Variants in FHOD3 observed in about 807,000 individuals in gnomAD.
FHOD3 encodes formin homology 2 domain containing 3.
FHOD3 carries 90 observed loss-of-function variants against 173.0 expected under a neutral mutation model. The ratio of observed to expected loss-of-function variants is 0.52; its 90% CI spans 0.44 to 0.62. The LOEUF is 0.62. FHOD3 is among the 20% of genes least tolerant of loss of function. FHOD3 has a pLI of 0.00. For synonymous variants in FHOD3, 828 were observed against 823.0 expected, an observed-to-expected ratio of 1.01 and a Z score of -0.10; for missense variants, 1,945 against 2,034.7, an observed-to-expected ratio of 0.96 and a Z score of 0.85.
At chr18:36,582,637 G>A (rs990140674) in intron 6 of FHOD3, among the ~76,000 whole-genome samples, 1 of 152,214 alleles carries the variant, frequency 6.6e-6, no homozygotes, top group Non-Finnish European at 1.5e-5. Flanking sequence ...CCCTGTCCAA[G>A]CTAAACTTGA....
chr18:36,326,680 G>A (rs1322540430), intron 1 of FHOD3, among the ~76,000 whole-genome samples: 7 of 152,218 alleles, frequency 4.6e-5, no homozygotes, highest in Non-Finnish European at 8.8e-5. Flanking sequence ...GCGCCTAGGA[G>A]TTTGAGGCTA....
chr18:36,464,710 G>T (rs780733281), intron 3 of FHOD3, among the ~76,000 whole-genome samples: 5 of 152,078 alleles, frequency 3.3e-5, no homozygotes, highest in Admixed American at 2.6e-4. Context: ...TGGGTCCTTA[G>T]GAGGGAAGGA....
At chr18:36,326,064 C>T (rs867026915) in intron 1 of FHOD3, among the ~76,000 whole-genome samples, 3 of 152,238 alleles carry the variant, frequency 2.0e-5, no homozygotes, top group South Asian at 2.1e-4. Flanking sequence ...GATCACTCAG[C>T]AGTCAAGCCA....
intron 6 of FHOD3, among the ~76,000 whole-genome samples, chr18:36,593,298 A>G (rs141999536): frequency 8.5e-5 from 13 of 152,314 alleles, no homozygotes; most frequent in African/African-American, 3.1e-4. Flanking sequence ...AGGTGGAGCC[A>G]GGGGCTGTAG....
At chr18:36,721,377 A>G (rs2040780909) in intron 19 of FHOD3, among the ~76,000 whole-genome samples, 1 of 152,238 alleles carries the variant, frequency 6.6e-6, no homozygotes, top group African/African-American at 2.4e-5. Context: ...TGGGTGGCTC[A>G]TTCTGGTAAT....
chr18:36,306,772 A>T (rs1376920908), intron 1 of FHOD3, among the ~76,000 whole-genome samples: 1 of 152,178 alleles, frequency 6.6e-6, no homozygotes, highest in East Asian at 1.9e-4. Flanking sequence ...GTGTACAGTA[A>T]ATATTTACTG....
chr18:36,768,950 C>CAACA (rs1340859786), intron 27 of FHOD3, among the ~76,000 whole-genome samples: 1 of 152,090 alleles, frequency 6.6e-6, no homozygotes, highest in African/African-American at 2.4e-5. Context: ...CAGGTAAAGA[C>CAACA]AACACACCTG....
At chr18:36,325,676 T>C (rs913063242) in intron 1 of FHOD3, among the ~76,000 whole-genome samples, 1 of 152,190 alleles carries the variant, frequency 6.6e-6, no homozygotes, top group Non-Finnish European at 1.5e-5. Context: ...CAAAAGCTCC[T>C]TTTCCTCTCT....
At chr18:36,495,960 G>A (rs2054724211) in intron 3 of FHOD3, among the ~76,000 whole-genome samples, 1 of 152,334 alleles carries the variant, frequency 6.6e-6, no homozygotes, top group South Asian at 2.1e-4. Flanking sequence ...AGTTCCATAG[G>A]AAATGGATCC....
At chr18:36,568,871 A>G (rs1322219802) in intron 5 of FHOD3, among the ~76,000 whole-genome samples, 1 of 152,044 alleles carries the variant, frequency 6.6e-6, no homozygotes, top group Non-Finnish European at 1.5e-5. Context: ...AAGATAGATC[A>G]CCACCCCTGG....
At chr18:36,644,389 G>A (rs1411084467) in intron 10 of FHOD3, among the ~76,000 whole-genome samples, 2 of 152,156 alleles carry the variant, frequency 1.3e-5, no homozygotes, top group Admixed American at 6.5e-5. Context: ...TTTTATCATA[G>A]ACTGGAACTA....
intron 1 of FHOD3, among the ~76,000 whole-genome samples, chr18:36,334,381 C>A (rs1261303843): frequency 6.6e-6 from 1 of 152,228 alleles, no homozygotes; most frequent in African/African-American, 2.4e-5. Flanking sequence ...AAGTGCTGGT[C>A]TCACTTTTGT....
At chr18:36,334,300 G>C (rs1349907591) in intron 1 of FHOD3, among the ~76,000 whole-genome samples, 2 of 152,162 alleles carry the variant, frequency 1.3e-5, no homozygotes, top group Non-Finnish European at 2.9e-5. Context: ...AGAAGCAAAG[G>C]CACCCAAGTT....
chr18:36,549,520 G>T (rs1285626495), intron 5 of FHOD3, among the ~76,000 whole-genome samples: 6 of 140,352 alleles, frequency 4.3e-5, no homozygotes, highest in South Asian at 2.3e-4. Context: ...TTTAGTGTCA[G>T]ATCTAAGAAA....
At chr18:36,645,028 A>G (rs2035582572) in intron 10 of FHOD3, among the ~76,000 whole-genome samples, 1 of 152,134 alleles carries the variant, frequency 6.6e-6, no homozygotes, top group Non-Finnish European at 1.5e-5. Context: ...AAGCTGAGGG[A>G]AGGTGGCCTC....
intron 3 of FHOD3, among the ~76,000 whole-genome samples, chr18:36,389,824 CT>C (rs1219603007): frequency 1.3e-5 from 2 of 151,974 alleles, no homozygotes; most frequent in South Asian, 2.1e-4. Flanking sequence ...ACGGGTGAAT[CT>C]GGGAGAAGGC....
At chr18:36,686,950 A>G (rs1025431065) in intron 15 of FHOD3, among the ~76,000 whole-genome samples, 178 bp from the exon 16 acceptor site, 2 of 152,198 alleles carry the variant, frequency 1.3e-5, no homozygotes, top group African/African-American at 4.8e-5. Context: ...GATCGATTGT[A>G]TTTAATAATT....
intron 3 of FHOD3, among the ~76,000 whole-genome samples, chr18:36,476,547 C>A (rs1339903992): frequency 6.6e-6 from 1 of 152,152 alleles, no homozygotes; most frequent in African/African-American, 2.4e-5. Flanking sequence ...TTTGGCCCCC[C>A]ATAGTCAGGA....
intron 5 of FHOD3, among the ~76,000 whole-genome samples, chr18:36,575,323 T>C (rs2058608849): frequency 6.6e-6 from 1 of 152,248 alleles, no homozygotes; most frequent in Admixed American, 6.5e-5. Flanking sequence ...CATTTTCTAA[T>C]ATTACATATA....
Sources: gnomAD v4.1 joint callset for allele counts (sites outside exome capture counted in the v4.1 genomes callset) on GRCh38, gnomAD v4.1.1 for gene constraint, MANE v1.5 for transcripts, NCBI Gene and HGNC (gene_info 2026-07-23, HGNC 2026-07-21) for gene names.